Variants in CD274 observed in about 807,000 individuals in gnomAD.
CD274 encodes CD274 molecule, also known as programmed cell death 1 ligand 1.
In CD274, 8 loss-of-function variants were observed where a neutral mutation model predicts 30.1. That is an observed-to-expected ratio of 0.27 (90% CI 0.16 to 0.48). The LOEUF is 0.48. Among genes scored for constraint, CD274 ranks in the 20% least tolerant of loss-of-function variants. CD274 has a pLI of 0.99. For missense variants in CD274, 353 were observed against 346.6 expected (o/e 1.02, Z -0.15); for synonymous variants, 152 against 124.6 (o/e 1.22, Z -1.46).
At chr9:5,458,868 G>C (rs1040749391) in intron 3 of CD274, among the ~76,000 whole-genome samples, 3 of 152,152 alleles carry the variant, frequency 2.0e-5, no homozygotes, top group Non-Finnish European at 4.4e-5. Flanking sequence ...GGCATCTACT[G>C]TGTTCCAAGA....
chr9:5,461,692 A>G (rs1586766198), intron 3 of CD274, among the ~76,000 whole-genome samples: 1 of 152,278 alleles, frequency 6.6e-6, no homozygotes, highest in East Asian at 1.9e-4. Context: ...ATGTACTTGT[A>G]ATGAATAAAC....
rs1420619004 is a variant in CD274, at chr9:5,468,587, T to G, written c.*725T>G. 4.3e-6 allele frequency: 1 copy of G among 232,942 alleles called. No homozygotes were observed. Among genetic ancestry groups the G allele is most frequent in the Non-Finnish European group, 8.5e-6 (1 of 117,902 alleles). 14.4% of individuals were successfully genotyped at this position (232,942 alleles called of 1,614,324 possible). On this transcript the variant is annotated 3_prime_UTR_variant, in exon 7 of 7. Coordinates refer to ENST00000381577, the MANE Select transcript of CD274 (RefSeq NM_014143.4). ...TAACCCATTAATACTCTGGTTGACC[T>G]AATCTTATTCTCAGACCTCAAGTGT...
intron 1 of CD274, among the ~76,000 whole-genome samples, chr9:5,453,269 G>T (rs1393953539): frequency 1.3e-5 from 2 of 152,084 alleles, no homozygotes; most frequent in Non-Finnish European, 2.9e-5. Flanking sequence ...GACTCATACA[G>T]GTTGATAAGA....
intron 1 of CD274, among the ~76,000 whole-genome samples, chr9:5,454,202 C>A (rs896607239): frequency 6.6e-6 from 1 of 151,938 alleles, no homozygotes; most frequent in Admixed American, 6.6e-5. Flanking sequence ...TTTCCTGATA[C>A]TAAAAATAAA....
chr9:5,466,169 G>A (rs1819495082), intron 5 of CD274, among the ~76,000 whole-genome samples: 2 of 152,168 alleles, frequency 1.3e-5, no homozygotes, highest in Non-Finnish European at 2.9e-5. Flanking sequence ...ACTTAGAGAA[G>A]TATACCAAGA....
intron 5 of CD274, among the ~76,000 whole-genome samples, chr9:5,466,160 C>T (rs1819494935): frequency 6.6e-6 from 1 of 152,110 alleles, no homozygotes; most frequent in Non-Finnish European, 1.5e-5. Flanking sequence ...TCCTCCAATA[C>T]TTAGAGAAGT....
intron 1 of CD274, 41 bp from the exon 2 acceptor site, chr9:5,456,059 A>G (rs1247595244): frequency 9.1e-7 from 1 of 1,102,224 alleles, no homozygotes; most frequent in African/African-American, 1.5e-5. Context: ...ATGTTTAATT[A>G]TTAAGTGAAG....
At chr9:5,451,338 G>T (rs1288229637) in intron 1 of CD274, among the ~76,000 whole-genome samples, 3 of 152,140 alleles carry the variant, frequency 2.0e-5, no homozygotes, top group Admixed American at 1.3e-4. Flanking sequence ...GTAACTAAAT[G>T]AAATTAATTC....
At position 5,456,981 on chromosome 9, in the gene CD274, T is replaced by G. The variant is rs530717052; in HGVS notation, c.53-98T>G. On this transcript the variant is annotated intron_variant, in intron 2 of 6. Transcript: ENST00000381577. ...CAAGTTCTTAAATATAATGATAACATAACCGACCAGATAAAGTGATTTATA... is the reference window on the plus strand; with the variant it reads ...CAAGTTCTTAAATATAATGATAACAGAACCGACCAGATAAAGTGATTTATA... The G allele has an allele frequency of 9.0e-6, 7 of 776,044 alleles. No homozygotes were observed. The Admixed American group carries it at 1.7e-4, about 19-fold the overall frequency. The allele number at this position is 776,044 out of a possible 1,614,324, so 48.1% of individuals were successfully genotyped here. A position where few individuals can be genotyped will look rare whatever the true frequency, so the allele number is the denominator to read the frequency against.
At chr9:5,453,381 A>G (rs960691506) in intron 1 of CD274, among the ~76,000 whole-genome samples, 2 of 152,242 alleles carry the variant, frequency 1.3e-5, no homozygotes, top group Non-Finnish European at 2.9e-5. Flanking sequence ...AACAGTACCA[A>G]TTATCAACAT....
rs188880293 is a variant in CD274 at position 5,469,092 on chromosome 9, C to T, written c.*1230C>T. On this transcript the variant is annotated 3_prime_UTR_variant, in exon 7 of 7. Transcript: ENST00000381577. The stretch of plus-strand genomic sequence containing the variant: ...GGAAATAGGCCAATGTGGTCTGGGA[C>T]GGTTGGATATACTTAAACATCTTAA... 2.0e-4 allele frequency: 46 copies of T among 233,014 alleles called. 1 individual carries two copies. The highest frequency in any genetic ancestry group is 2.8e-4 in the Non-Finnish European group (33 of 117,912). The allele number at this position is 233,014 out of a possible 1,614,324, so 14.4% of individuals were successfully genotyped here.
chr9:5,455,153 T>C (rs1819278399), intron 1 of CD274, among the ~76,000 whole-genome samples: 1 of 151,934 alleles, frequency 6.6e-6, no homozygotes, highest in African/African-American at 2.4e-5. Context: ...CTCTTTCTTA[T>C]CAAAGTTTGT....
At chr9:5,458,089 T>G (rs1262904006) in intron 3 of CD274, among the ~76,000 whole-genome samples, 2 of 152,226 alleles carry the variant, frequency 1.3e-5, no homozygotes, top group South Asian at 4.1e-4. Context: ...ACTGATGTTG[T>G]CTTGGGGAAT....
At chr9:5,458,079 A>T (rs1250663968) in intron 3 of CD274, among the ~76,000 whole-genome samples, 1 of 152,212 alleles carries the variant, frequency 6.6e-6, no homozygotes, top group Non-Finnish European at 1.5e-5. Context: ...GAAAATCTAT[A>T]CTGATGTTGT....
rs545701711 is a variant in CD274, at chr9:5,456,131, C to G, written c.18C>G (p.Val6=). MRIFA[V]FIFMTYWHLL... ...CCAGAAAGATGAGGATATTTGCTGT[C>G]TTTATATTCATGACCTACTGGCATT... is the stretch of plus-strand genomic sequence containing the variant. Residue 6 remains valine, a synonymous_variant, in exon 2 of 7, where the codon GTC becomes GTG. Transcript: ENST00000381577. The G allele has an allele frequency of 1.2e-5, 20 of 1,608,788 alleles. 1 individual carries two copies. In the East Asian group the frequency reaches 4.2e-4, roughly 34 times the overall value.
chr9:5,458,297 A>C (rs2131214827), intron 3 of CD274, among the ~76,000 whole-genome samples: 1 of 152,292 alleles, frequency 6.6e-6, no homozygotes, highest in East Asian at 1.9e-4. Context: ...AAGAACAAAA[A>C]TCCCCCAGAG....
rs2131235958 is a variant in CD274, at chr9:5,467,932, A to G, written c.*70A>G. 1 of 1,363,188 alleles carries G rather than the reference A, an allele frequency of 7.3e-7. No homozygotes were observed. Among genetic ancestry groups the G allele is most frequent in the Middle Eastern group, 1.8e-4 (1 of 5,592 alleles). 84.4% of individuals were successfully genotyped at this position (1,363,188 alleles called of 1,614,324 possible). A position where few individuals can be genotyped will look rare whatever the true frequency, so the allele number is the denominator to read the frequency against. ...GTGGTTTAGGGGTTCATCGGGGCTG[A>G]GCGTGACAAGAGGAAGGAATGGGCC... On this transcript the variant is annotated 3_prime_UTR_variant, in exon 7 of 7. Coordinates refer to ENST00000381577, the MANE Select transcript of CD274 (RefSeq NM_014143.4).
At chr9:5,463,447 A>G (rs967553773) in intron 4 of CD274, among the ~76,000 whole-genome samples, 2 of 152,212 alleles carry the variant, frequency 1.3e-5, no homozygotes, top group Non-Finnish European at 2.9e-5. Flanking sequence ...CAGGCAATCC[A>G]ACACCATGTG....
In CD274 at chr9:5,456,268, G is replaced by A. The variant is rs1586763014; in HGVS notation, c.52+103G>A. On this transcript the variant is annotated intron_variant, in intron 2 of 6. Coordinates refer to ENST00000381577, the MANE Select transcript of CD274 (RefSeq NM_014143.4). ...AAAATGCATGCAATTTTCTTATAGA[G>A]AGAACATTCTATTCTTTCTTCTACT... is the stretch of plus-strand genomic sequence containing the variant. 4.5e-5 allele frequency: 33 copies of A among 729,180 alleles called. No individual in the cohort carries two copies. In the East Asian group the frequency reaches 9.0e-4, roughly 20 times the overall value. 45.2% of individuals were successfully genotyped at this position (729,180 alleles called of 1,614,324 possible).
Sources: gnomAD v4.1 joint callset for allele counts (sites outside exome capture counted in the v4.1 genomes callset) on GRCh38, gnomAD v4.1.1 for gene constraint, MANE v1.5 for transcripts, NCBI Gene and HGNC (gene_info 2026-07-23, HGNC 2026-07-21) for gene names.